SLC13A3: variants seen among roughly 807,000 people sequenced by gnomAD.
SLC13A3 encodes the protein solute carrier family 13 member 3.
A neutral mutation model predicts 59.0 loss-of-function variants in SLC13A3; 40 were observed. The ratio of observed to expected loss-of-function variants is 0.68; its 90% CI spans 0.53 to 0.88. The LOEUF (loss-of-function observed/expected upper bound fraction) is 0.88, where lower values mean the gene tolerates loss of function less well. Among genes scored for constraint, SLC13A3 ranks in the 40% least tolerant of loss-of-function variants. The pLI is 0.00. For missense variants in SLC13A3, 699 were observed against 783.2 expected, an observed-to-expected ratio of 0.89 and a Z score of 1.28; for synonymous variants, 317 against 330.3, an observed-to-expected ratio of 0.96 and a Z score of 0.44.
intron 1 of SLC13A3, among the ~76,000 whole-genome samples, chr20:46,660,204 C>A (rs2063020982): frequency 6.6e-6 from 1 of 152,268 alleles, no homozygotes; most frequent in East Asian, 1.9e-4. Context: ...TCACTTCTTC[C>A]TGCAGATCCA....
chr20:46,676,132 C>T lies in SLC13A3; in HGVS notation c.-31+8264G>A, dbSNP rs2063123932. 3 of 152,286 alleles carry T rather than the reference C, an allele frequency of 2.0e-5. No homozygotes were observed. The South Asian group carries it at 6.2e-4, about 32-fold the overall frequency. The allele number at this position is 152,286 out of a possible 1,614,324, so 9.4% of individuals were successfully genotyped here. ...CCATGTTGGCCAGACTGGTCTTAAACTCCTGACCTCAGGTGATCTACCCAC... is the reference window on the plus strand; with the variant it reads ...CCATGTTGGCCAGACTGGTCTTAAATTCCTGACCTCAGGTGATCTACCCAC... On this transcript the variant is annotated intron_variant, in intron 1 of 6. Coordinates refer to the SLC13A3 transcript ENST00000372121.
chr20:46,588,051 A>G lies in SLC13A3; in HGVS notation c.1121+8T>C. ...TGGACTCCTCCCTGTGGGTCCCCAG[A>G]GTCTCACCCAGGATTGAAGAGGCTG... On this transcript the variant is annotated splice_region_variant and intron_variant, in intron 8 of 12. Transcript: ENST00000279027. 6.4e-7 allele frequency: 1 copy of G among 1,565,056 alleles called. No homozygotes were observed. Among genetic ancestry groups the G allele is most frequent in the Non-Finnish European group, 8.8e-7 (1 of 1,142,478 alleles).
At chr20:46,611,903 G>A (rs902379153) in intron 2 of SLC13A3, among the ~76,000 whole-genome samples, 1 of 152,068 alleles carries the variant, frequency 6.6e-6, no homozygotes, top group East Asian at 1.9e-4. Context: ...ATAAGTCTAT[G>A]GATATAATTC....
chr20:46,652,322 G>A (rs970169716), upstream of SLC13A3, among the ~76,000 whole-genome samples: 1 of 152,186 alleles, frequency 6.6e-6, no homozygotes, highest in Non-Finnish European at 1.5e-5. Flanking sequence ...TGTGATTAGC[G>A]CAGTGTCTGG....
intron 1 of SLC13A3, among the ~76,000 whole-genome samples, chr20:46,622,354 G>C (rs2062623831): frequency 6.6e-6 from 1 of 152,136 alleles, no homozygotes; most frequent in Admixed American, 6.5e-5. Flanking sequence ...GTAAGCTAGG[G>C]ACACCTAGGG....
chr20:46,641,616 G>T (rs1405662076), intron 1 of SLC13A3, among the ~76,000 whole-genome samples: 1 of 152,184 alleles, frequency 6.6e-6, no homozygotes, highest in Non-Finnish European at 1.5e-5. Context: ...AGGGAAGCAA[G>T]TGCAAAGGGC....
chr20:46,650,865 G>C, intron 1 of SLC13A3, among the ~76,000 whole-genome samples: 1 of 152,066 alleles, frequency 6.6e-6, no homozygotes, highest in East Asian at 1.9e-4. Context: ...AGGAGTTCCA[G>C]ACCAGCCTGG....
At chr20:46,682,017 G>C (rs758198041) in intron 1 of SLC13A3, 2 of 152,136 alleles carry the variant, frequency 1.3e-5, no homozygotes, top group Non-Finnish European at 2.9e-5. Context: ...CATGAAATAC[G>C]GGGAACACAT....
chr20:46,653,526 A>C (rs558770747), upstream of SLC13A3, among the ~76,000 whole-genome samples: 6 of 152,358 alleles, frequency 3.9e-5, no homozygotes, highest in Admixed American at 6.5e-5. Context: ...AACAAACAAA[A>C]AAAGAACAAC....
chr20:46,681,278 T>C (rs2063152477), intron 1 of SLC13A3, among the ~76,000 whole-genome samples: 1 of 152,194 alleles, frequency 6.6e-6, no homozygotes, highest in Admixed American at 6.5e-5. Flanking sequence ...ACATGGTGCA[T>C]AATTAGCACA....
chr20:46,576,030 C>T (rs909143504), intron 9 of SLC13A3, among the ~76,000 whole-genome samples: 2 of 151,956 alleles, frequency 1.3e-5, no homozygotes, highest in African/African-American at 4.8e-5. Context: ...GGAACATGTA[C>T]AGAGAGGAAA....
chr20:46,574,319 T>A (rs1009545394), intron 10 of SLC13A3, among the ~76,000 whole-genome samples: 8 of 152,158 alleles, frequency 5.3e-5, no homozygotes, highest in Admixed American at 5.2e-4. Flanking sequence ...GTTGCTTAAT[T>A]TTTCATGTCT....
At chr20:46,577,323 A>C (rs1025314497) in intron 9 of SLC13A3, among the ~76,000 whole-genome samples, 1 of 152,196 alleles carries the variant, frequency 6.6e-6, no homozygotes, top group Non-Finnish European at 1.5e-5. Context: ...AGCCCATGGT[A>C]TCTACATGCA....
chr20:46,675,299 A>T (rs989715695), intron 1 of SLC13A3, among the ~76,000 whole-genome samples: 2 of 151,728 alleles, frequency 1.3e-5, no homozygotes, highest in African/African-American at 4.8e-5. Context: ...GCGCAATCTC[A>T]TCTCACTGCA....
At chr20:46,563,633 G>GACC in intron 11 of SLC13A3, 82 bp from the exon 12 acceptor site, 1 of 396,740 alleles carries the variant, frequency 2.5e-6, no homozygotes, top group Non-Finnish European at 3.7e-6. Context: ...AGAGAGAGAG[G>GACC]CAGTTGGAAA....
chr20:46,589,141 C>T lies in SLC13A3; in HGVS notation c.1016+19G>A, dbSNP rs1048923222. 3 of 1,608,680 alleles carry T rather than the reference C, an allele frequency of 1.9e-6. No homozygotes were observed. The highest frequency in any genetic ancestry group is 1.7e-5 in the Admixed American group (1 of 59,948). On this transcript the variant is annotated intron_variant, in intron 7 of 12. Transcript: ENST00000279027. ...GTTTAATACTCAGCTCTTTCCTTAACCCAAGGGCCCCCACATACTTGATGG... is the reference window on the plus strand; with the variant it reads ...GTTTAATACTCAGCTCTTTCCTTAATCCAAGGGCCCCCACATACTTGATGG...
chr20:46,677,803 A>G (rs563955168), intron 1 of SLC13A3, among the ~76,000 whole-genome samples: 1 of 152,266 alleles, frequency 6.6e-6, no homozygotes, highest in East Asian at 1.9e-4. Flanking sequence ...AGAGCCAAAG[A>G]GCAATAGGGA....
chr20:46,567,315 G>A (rs1378416476), intron 10 of SLC13A3, among the ~76,000 whole-genome samples: 4 of 151,870 alleles, frequency 2.6e-5, no homozygotes, highest in Non-Finnish European at 4.4e-5. Context: ...CACCATTATT[G>A]AGGCTTTACA....
intron 1 of SLC13A3, among the ~76,000 whole-genome samples, chr20:46,626,035 A>G (rs1226203974): frequency 1.3e-5 from 2 of 152,060 alleles, no homozygotes; most frequent in Admixed American, 6.6e-5. Context: ...CATTCTGTAC[A>G]TGATATAAAT....
Sources: allele counts gnomAD v4.1 joint callset (sites outside exome capture counted in the v4.1 genomes callset), GRCh38; gene constraint gnomAD v4.1.1; transcripts MANE v1.5; gene names NCBI Gene and HGNC (gene_info 2026-07-23, HGNC 2026-07-21).